The following RANBP17 variants were observed in gnomAD, a reference collection of about 807,000 sequenced individuals.
RANBP17 encodes the protein ran-binding protein 17.
RANBP17 carries 158 observed loss-of-function variants against 141.2 expected under a neutral mutation model. That is an observed-to-expected ratio of 1.12 (90% confidence interval 0.98 to 1.28). RANBP17 has a LOEUF of 1.28. RANBP17 is among the 50% of genes most tolerant of loss of function. RANBP17 has a pLI of 0.00. For missense variants in RANBP17, 1,438 were observed against 1,290.7 expected (o/e 1.11, Z -1.75); for synonymous variants, 430 against 450.0 (o/e 0.96, Z 0.56).
chr5:170,999,864 G>T (rs1313284152), intron 14 of RANBP17, among the ~76,000 whole-genome samples: 2 of 151,950 alleles, frequency 1.3e-5, no homozygotes, highest in Non-Finnish European at 2.9e-5. Context: ...CTTTTCATCT[G>T]CACAACTGAA....
At position 171,107,278 on chromosome 5, in the gene RANBP17, G is replaced by C. The variant is rs868224143; in HGVS notation, c.1711-62852G>C. Among the ~76,000 whole-genome samples, 28 of 152,266 alleles carry C rather than the reference G, an allele frequency of 1.8e-4. No individual in the cohort carries two copies. In the Middle Eastern group the frequency reaches 0.014, roughly 74 times the overall value. On this transcript the variant is annotated intron_variant, in intron 14 of 27. Coordinates refer to ENST00000523189, the MANE Select transcript of RANBP17 (RefSeq NM_022897.5). ...TTCTTCTCTGTTGCCTGGTATCAAAGGAATTAGTTTGTTGCTAGTTAGTAT... is the reference window on the plus strand; with the variant it reads ...TTCTTCTCTGTTGCCTGGTATCAAACGAATTAGTTTGTTGCTAGTTAGTAT...
At chr5:171,062,373 A>T in intron 14 of RANBP17, among the ~76,000 whole-genome samples, 1 of 152,180 alleles carries the variant, frequency 6.6e-6, no homozygotes, top group East Asian at 1.9e-4. Flanking sequence ...AAAATCTCTC[A>T]GCATTTGCTT....
At chr5:171,214,246 T>C (rs1398416415) in intron 21 of RANBP17, among the ~76,000 whole-genome samples, 1 of 152,210 alleles carries the variant, frequency 6.6e-6, no homozygotes, top group African/African-American at 2.4e-5. Flanking sequence ...CCAAGATGCA[T>C]GTATTTGGAT....
chr5:171,236,516 A>C (rs754489878), intron 22 of RANBP17, among the ~76,000 whole-genome samples: 2 of 152,162 alleles, frequency 1.3e-5, no homozygotes, highest in Non-Finnish European at 2.9e-5. Context: ...TATTGACCTT[A>C]CTTTGAATTG....
At position 171,213,547 on chromosome 5, in the gene RANBP17, T is replaced by TTGTGTG. The variant is rs201863074; in HGVS notation, c.2232-78_2232-73dup. On this transcript the variant is annotated intron_variant, in intron 20 of 27. Coordinates refer to ENST00000523189, the MANE Select transcript of RANBP17 (RefSeq NM_022897.5). ...ATATAGAACAAATGTGGATTCCCTT[T>TTGTGTG]TGTGTGTGTGTATGTGTGTGGCACT... The TTGTGTG allele has an allele frequency of 3.0e-3, 2,636 of 892,444 alleles. 65 individuals carry two copies. The South Asian group carries it at 0.036, about 12-fold the overall frequency. The allele number at this position is 892,444 out of a possible 1,614,324, so 55.3% of individuals were successfully genotyped here. A position where few individuals can be genotyped will look rare whatever the true frequency, so the allele number is the denominator to read the frequency against.
intron 14 of RANBP17, among the ~76,000 whole-genome samples, chr5:171,169,640 G>T (rs528890410): frequency 7.9e-5 from 12 of 152,114 alleles, no homozygotes; most frequent in African/African-American, 2.9e-4. Flanking sequence ...TATTTGAGGA[G>T]AATTTCTATA....
chr5:170,968,158 A>G, intron 13 of RANBP17, 84 bp from the exon 14 acceptor site: 2 of 965,424 alleles, frequency 2.1e-6, no homozygotes, highest in African/African-American at 3.3e-5. Context: ...ATTATATGTT[A>G]TATTACATTT....
chr5:171,129,094 C>G (rs1756713669), intron 14 of RANBP17, among the ~76,000 whole-genome samples: 1 of 152,156 alleles, frequency 6.6e-6, no homozygotes, highest in African/African-American at 2.4e-5. Flanking sequence ...TCACCATTCT[C>G]TATTACAGAG....
chr5:171,157,308 T>G (rs1333399786), intron 14 of RANBP17, among the ~76,000 whole-genome samples: 1 of 152,214 alleles, frequency 6.6e-6, no homozygotes, highest in Non-Finnish European at 1.5e-5. Flanking sequence ...AAAATATGAA[T>G]GTACATCTGC....
chr5:171,279,616 G>T (rs887556079), intron 25 of RANBP17, among the ~76,000 whole-genome samples: 1 of 152,128 alleles, frequency 6.6e-6, no homozygotes, highest in Non-Finnish European at 1.5e-5. Context: ...TCAAACCATA[G>T]TACCTCATAA....
intron 14 of RANBP17, among the ~76,000 whole-genome samples, chr5:171,099,507 G>T (rs746685649): frequency 2.0e-5 from 3 of 152,188 alleles, no homozygotes; most frequent in Non-Finnish European, 4.4e-5. Flanking sequence ...TTTGGGCTGA[G>T]ATGTTGGGGT....
At chr5:171,178,865 G>C (rs551860963) in intron 16 of RANBP17, among the ~76,000 whole-genome samples, 3 of 152,226 alleles carry the variant, frequency 2.0e-5, no homozygotes, top group Admixed American at 6.5e-5. Context: ...TTTTGATGGG[G>C]TTGTTTGTTT....
At chr5:170,862,322 C>G (rs943818132) in intron 1 of RANBP17, among the ~76,000 whole-genome samples, 2 of 152,268 alleles carry the variant, frequency 1.3e-5, no homozygotes, top group South Asian at 2.1e-4. Flanking sequence ...GCCCAGGGCT[C>G]GTCCCGGGGA....
intron 8 of RANBP17, among the ~76,000 whole-genome samples, chr5:170,915,523 T>C (rs1036359580): frequency 2.6e-5 from 4 of 152,102 alleles, no homozygotes; most frequent in African/African-American, 7.2e-5. Context: ...TTTTTTGTTT[T>C]TGTTTTTGTT....
chr5:170,928,547 A>T (rs1339631610), intron 12 of RANBP17, among the ~76,000 whole-genome samples: 1 of 152,056 alleles, frequency 6.6e-6, no homozygotes, highest in East Asian at 1.9e-4. Context: ...ACAGTTATCC[A>T]GTTGTTCTAA....
Position 171,215,565 on chromosome 5 carries a change from G to T in RANBP17, c.2339+1827G>T, listed in dbSNP as rs536474785. Among the ~76,000 whole-genome samples, 37 of 152,282 alleles carry T rather than the reference G, an allele frequency of 2.4e-4. No individual in the cohort carries two copies. In the East Asian group the frequency reaches 3.1e-3, roughly 13 times the overall value. On this transcript the variant is annotated intron_variant, in intron 21 of 27. Coordinates refer to ENST00000523189, the MANE Select transcript of RANBP17 (RefSeq NM_022897.5). Reference sequence around the variant, plus strand: ...TTTCTCCACAGCCTGACCAGCATCTGTTGTTTCCTGACTCTTTAATGATCG... The same window carrying T: ...TTTCTCCACAGCCTGACCAGCATCTTTTGTTTCCTGACTCTTTAATGATCG...
At chr5:171,215,621 T>C (rs374947047) in intron 21 of RANBP17, among the ~76,000 whole-genome samples, 1 of 152,328 alleles carries the variant, frequency 6.6e-6, no homozygotes, top group East Asian at 1.9e-4. Flanking sequence ...TGGTATCTCA[T>C]TGTGGTTTTG....
At position 171,256,060 on chromosome 5, in the gene RANBP17, T is replaced by G. The variant is rs184696283; in HGVS notation, c.2777-9621T>G. The stretch of plus-strand genomic sequence containing the variant: ...TCTTGTGGTAACCATCGGTATAGGG[T>G]TTTTTCTTTCCTTGATGGCAGTAGA... On this transcript the variant is annotated intron_variant, in intron 24 of 27. Transcript: ENST00000523189. Among the ~76,000 whole-genome samples, 654 of 151,992 alleles carry G rather than the reference T, an allele frequency of 4.3e-3. 4 individuals carry two copies. Among genetic ancestry groups the G allele is most frequent in the Non-Finnish European group, 7.8e-3 (527 of 67,966 alleles).
At chr5:171,197,687 T>C (rs890253693) in intron 18 of RANBP17, among the ~76,000 whole-genome samples, 2 of 152,214 alleles carry the variant, frequency 1.3e-5, no homozygotes, top group African/African-American at 2.4e-5. Flanking sequence ...GTATTATTGT[T>C]GCTATTATTA....
Sources: gnomAD v4.1 joint callset for allele counts (sites outside exome capture counted in the v4.1 genomes callset) on GRCh38, gnomAD v4.1.1 for gene constraint, MANE v1.5 for transcripts, NCBI Gene and HGNC (gene_info 2026-07-23, HGNC 2026-07-21) for gene names.